VIM: variants seen among roughly 807,000 people sequenced by gnomAD.
VIM encodes epididymis secretory sperm binding protein.
In VIM, 18 loss-of-function variants were observed where a neutral mutation model predicts 50.3. The observed-to-expected ratio is 0.36, with a 90% CI of 0.25 to 0.53. The LOEUF is 0.53. Ranked by LOEUF, VIM falls within the 20% of genes least tolerant of loss-of-function variation. The probability of loss-of-function intolerance (pLI) is 0.91; values close to 1 mark genes in which losing one functional copy is unlikely to be tolerated. For synonymous variants in VIM, 245 were observed against 248.5 expected, an observed-to-expected ratio of 0.99 and a Z score of 0.13; for missense variants, 551 against 614.7, an observed-to-expected ratio of 0.90 and a Z score of 1.10.
At position 17,233,631 on chromosome 10, in the gene VIM, A is replaced by C; in HGVS notation, c.669A>C (p.Lys223Asn). 1.2e-6 allele frequency: 2 copies of C among 1,614,226 alleles called. No homozygotes were observed. Among genetic ancestry groups the C allele is most frequent in the Non-Finnish European group, 1.7e-6 (2 of 1,180,048 alleles). Reference sequence around the variant, plus strand: ...TGGCACGTCTTGACCTTGAACGCAAAGTGGAATCTTTGCAAGAAGAGATTG... The same window carrying C: ...TGGCACGTCTTGACCTTGAACGCAACGTGGAATCTTTGCAAGAAGAGATTG... ...ASLARLDLER[K>N]VESLQEEIAF... Residue 223 changes from lysine to asparagine, a missense_variant, in exon 4 of 10, where the codon AAA becomes AAC. Physicochemically the swap from Lys to Asn is moderately conservative, Grantham distance 94. Coordinates refer to ENST00000544301, the MANE Select transcript of VIM (RefSeq NM_003380.5).
intron 8 of VIM, 71 bp downstream of exon 8, chr10:17,235,960 A>AT (rs1046416768): frequency 3.1e-5 from 46 of 1,499,158 alleles, no homozygotes; most frequent in African/African-American, 1.8e-4. Flanking sequence ...CAAAGCATTC[A>AT]TTTTTTTTAG....
chr10:17,234,597 C>T lies in VIM; in HGVS notation c.883-96C>T. The T allele has an allele frequency of 1.9e-6, 3 of 1,571,016 alleles. No individual in the cohort carries two copies. In the South Asian group the frequency reaches 3.3e-5, roughly 17 times the overall value. ...TTCAAAACAGAAATTTAAACCTATA[C>T]TGGAAGACATTCAGTGAGAAATATG... On this transcript the variant is annotated intron_variant, in intron 5 of 9. Transcript: ENST00000544301.
intron 3 of VIM, 34 bp downstream of exon 3, chr10:17,230,744 G>C: frequency 1.2e-6 from 2 of 1,613,420 alleles, no homozygotes; most frequent in Non-Finnish European, 8.5e-7. Context: ...GCAGCCGCCT[G>C]ACCCCACCCA....
intron 9 of VIM, 87 bp downstream of exon 9, chr10:17,236,466 C>A: frequency 8.6e-7 from 1 of 1,158,918 alleles, no homozygotes; most frequent in Non-Finnish European, 1.3e-6. Context: ...TCAGATACAG[C>A]TGGCTAATTT....
chr10:17,235,407 G>A lies in VIM; in HGVS notation c.1229+18G>A, dbSNP rs1846870518. On this transcript the variant is annotated intron_variant, in intron 7 of 9. Transcript: ENST00000544301. The stretch of plus-strand genomic sequence containing the variant: ...GAGAGCAGGTAGGGAACTCAGACTT[G>A]GATGCGTGAACTAATGGTGACCATT... 2 of 1,612,980 alleles carry A rather than the reference G, an allele frequency of 1.2e-6. No individual in the cohort carries two copies. The highest frequency in any genetic ancestry group is 1.1e-5 in the South Asian group (1 of 91,044).
rs866834871 is a variant in VIM at position 17,229,960 on chromosome 10, G to A, written c.538G>A (p.Glu180Lys). 4.6e-5 allele frequency: 74 copies of A among 1,612,334 alleles called. No homozygotes were observed. Among genetic ancestry groups the A allele is most frequent in the Non-Finnish European group, 5.8e-5 (69 of 1,179,714 alleles). ...RVEVERDNLA[E>K]DIMRLREKLQ... Reference sequence around the variant, plus strand: ...CGAGGTGGAGCGCGACAACCTGGCCGAGGACATCATGCGCCTCCGGGAGAA... The same window carrying A: ...CGAGGTGGAGCGCGACAACCTGGCCAAGGACATCATGCGCCTCCGGGAGAA... The change falls in exon 2 of 10, where the codon GAG becomes AAG. Residue 180 changes from glutamate to lysine, a missense_variant. Glu to Lys is a moderately conservative substitution (Grantham distance 56, BLOSUM62 1). Coordinates refer to ENST00000544301, the MANE Select transcript of VIM (RefSeq NM_003380.5).
chr10:17,234,266 C>T (rs1846848446), intron 5 of VIM: 2 of 368,110 alleles, frequency 5.4e-6, no homozygotes, highest in Non-Finnish European at 5.1e-6. Flanking sequence ...AGGCAAGCAC[C>T]ACCATGCCCG....
At chr10:17,230,594 C>T (rs1299431081) in intron 2 of VIM, 56 bp from the exon 3 acceptor site, 1 of 1,600,592 alleles carries the variant, frequency 6.2e-7, no homozygotes, top group Non-Finnish European at 8.6e-7. Context: ...TGGGTGTGGC[C>T]GCCCCGCCCC....
rs1158260463 is a variant in VIM, at chr10:17,237,254, C to G, written c.1384C>G (p.His462Asp). 6.2e-7 allele frequency: 1 copy of G among 1,606,142 alleles called. No homozygotes were observed. The highest frequency in any genetic ancestry group is 1.1e-5 in the South Asian group (1 of 90,106). Residue 462 changes from histidine (H) to aspartate (D), a missense_variant, in exon 10 of 10, where the codon CAC becomes GAC. By Grantham distance (81) the His-to-Asp change is moderately conservative. This residue lies in a region of VIM where 394 missense variants were observed against 437.5 expected (regional missense o/e 0.90). Coordinates refer to ENST00000544301, the MANE Select transcript of VIM (RefSeq NM_003380.5). ...GGTTATCAACGAAACTTCTCAGCAT[C>G]ACGATGACCTTGAATAAAAATTGCA... ...GQVINETSQH[H>D]DDLE
At chr10:17,236,151 G>A in intron 8 of VIM, 143 bp from the exon 9 acceptor site, 1 of 807,142 alleles carries the variant, frequency 1.2e-6, no homozygotes. Context: ...TCCAAACAGA[G>A]ACTACCCTAA....
Position 17,229,628 on chromosome 10 carries a change from G to A in VIM, c.206G>A (p.Arg69His), listed in dbSNP as rs928603903. The A allele has an allele frequency of 3.2e-6, 5 of 1,585,990 alleles. No homozygotes were observed. The highest frequency in any genetic ancestry group is 1.1e-5 in the South Asian group (1 of 87,742). The change falls in exon 2 of 10, where the codon CGC (arginine) becomes CAC (histidine). Residue 69 changes from arginine (R) to histidine (H), a missense_variant. By Grantham distance (29) the Arg-to-His change is conservative (BLOSUM62 0). Transcript: ENST00000544301. Reference protein sequence around the residue: ...GVYATRSSAVRLRSSVPGVRL... With the variant: ...GVYATRSSAVHLRSSVPGVRL... ...TATGCCACGCGCTCCTCTGCCGTGCGCCTGCGGAGCAGCGTGCCCGGGGTG... is the reference window on the plus strand; with the variant it reads ...TATGCCACGCGCTCCTCTGCCGTGCACCTGCGGAGCAGCGTGCCCGGGGTG...
intron 7 of VIM, 142 bp downstream of exon 7, chr10:17,235,531 T>A: frequency 2.1e-6 from 2 of 942,054 alleles, no homozygotes; most frequent in Non-Finnish European, 3.3e-6. Flanking sequence ...GAGGAGGAAT[T>A]TGAATTGAGA....
chr10:17,233,667 G>T lies in VIM; in HGVS notation c.705G>T (p.Lys235Asn). 1 of 1,614,192 alleles carries T rather than the reference G, an allele frequency of 6.2e-7. No homozygotes were observed. The highest frequency in any genetic ancestry group is 1.1e-5 in the South Asian group (1 of 91,086). The stretch of plus-strand genomic sequence containing the variant: ...TGCAAGAAGAGATTGCCTTTTTGAA[G>T]AAACTCCACGAAGAGGTTAGTGGAG... ...ESLQEEIAFLKKLHEEEIQEL... is the reference protein window; with the variant it reads ...ESLQEEIAFLNKLHEEEIQEL... The change falls in exon 4 of 10, where the codon AAG becomes AAT. Residue 235 changes from lysine (K) to asparagine (N), a missense_variant. Physicochemically the swap from Lys to Asn is moderately conservative, Grantham distance 94 (BLOSUM62 0). Around this residue, in one of 3 missense-constraint regions of VIM, gnomAD observed 394 missense variants for 437.5 expected, o/e 0.90. Transcript: ENST00000544301.
chr10:17,236,313 C>T lies in VIM; in HGVS notation c.1293C>T (p.Leu431=), dbSNP rs150003485. ...LNLRETNLDS[L]PLVDTHSKRT... ...ATTTAGAAACTAATCTGGATTCACTCCCTCTGGTTGATACCCACTCAAAAA... is the reference window on the plus strand; with the variant it reads ...ATTTAGAAACTAATCTGGATTCACTTCCTCTGGTTGATACCCACTCAAAAA... The change falls in exon 9 of 10, where the codon CTC becomes CTT. Residue 431 remains leucine (L), a synonymous_variant. Transcript: ENST00000544301. 66 of 1,613,498 alleles carry T rather than the reference C, an allele frequency of 4.1e-5. No homozygotes were observed. The African/African-American group carries it at 7.5e-4, about 18-fold the overall frequency.
At chr10:17,236,445 G>A in intron 9 of VIM, 66 bp downstream of exon 9, 2 of 1,315,224 alleles carry the variant, frequency 1.5e-6, no homozygotes, top group Middle Eastern at 3.6e-4. Flanking sequence ...TAAAATCAGT[G>A]AATCTGAATC....
In VIM at chr10:17,235,310, C is replaced by G; in HGVS notation, c.1150C>G (p.Gln384Glu). The change falls in exon 7 of 10, where the codon CAA becomes GAA. Residue 384 changes from glutamine to glutamate, a missense_variant. Gln to Glu is a conservative substitution (Grantham distance 29). Coordinates refer to ENST00000544301, the MANE Select transcript of VIM (RefSeq NM_003380.5). ...AATGGCTCGTCACCTTCGTGAATAC[C>G]AAGACCTGCTCAATGTTAAGATGGC... ...EEMARHLREY[Q>E]DLLNVKMALD... 11 of 1,614,190 alleles carry G rather than the reference C, an allele frequency of 6.8e-6. No individual in the cohort carries two copies. The highest frequency in any genetic ancestry group is 8.5e-6 in the Non-Finnish European group (10 of 1,180,040).
chr10:17,234,074 A>G lies in VIM; in HGVS notation c.882+143A>G, dbSNP rs1846844954. On this transcript the variant is annotated intron_variant, in intron 5 of 9. Coordinates refer to ENST00000544301, the MANE Select transcript of VIM (RefSeq NM_003380.5). ...TTGCTCATATTGTGTTTGCCACCAC[A>G]GCCTCCCCACCACTCACATCACCTC... is the stretch of plus-strand genomic sequence containing the variant. 3 of 962,754 alleles carry G rather than the reference A, an allele frequency of 3.1e-6. No homozygotes were observed. The South Asian group carries it at 4.2e-5, about 14-fold the overall frequency. The allele number at this position is 962,754 out of a possible 1,614,324, so 59.6% of individuals were successfully genotyped here.
At chr10:17,234,007 C>T in intron 5 of VIM, 76 bp downstream of exon 5, 1 of 1,544,304 alleles carries the variant, frequency 6.5e-7, no homozygotes, top group Admixed American at 2.0e-5. Context: ...TGTGTGATTC[C>T]TAAATATCCT....
At chr10:17,234,874 G>A (rs773556749) in intron 6 of VIM, 56 bp downstream of exon 6, 3 of 1,611,746 alleles carry the variant, frequency 1.9e-6, no homozygotes, top group South Asian at 2.2e-5. Context: ...CTGCTGACTA[G>A]GCTCATGATG....
Sources: gnomAD v4.1 joint callset for allele counts on GRCh38, gnomAD v4.1.1 for gene constraint, gnomAD v4.1.1 regional missense constraint, MANE v1.5 for transcripts, NCBI Gene and HGNC (gene_info 2026-07-23, HGNC 2026-07-21) for gene names.